ECPAS: variants seen among roughly 807,000 people sequenced by gnomAD.
ECPAS encodes proteasome adapter and scaffold protein ECM29.
Under a neutral mutation model 255.1 loss-of-function variants are expected in ECPAS, and 70 were observed. That is an observed-to-expected ratio of 0.27 (90% CI 0.23 to 0.33). ECPAS has a LOEUF of 0.33. Ranked by LOEUF, ECPAS falls within the 10% of genes least tolerant of loss-of-function variation. The pLI, the probability that ECPAS is intolerant of heterozygous loss-of-function variation, is 1.00. For missense variants in ECPAS, 1,817 were observed against 2,206.4 expected (o/e 0.82, Z 3.54); for synonymous variants, 784 against 775.0 (o/e 1.01, Z -0.19).
chr9:111,362,001 G>A lies in ECPAS; in HGVS notation c.*29C>T. The stretch of plus-strand genomic sequence containing the variant: ...CACCACTTCAACCCCCAATGAACAT[G>A]GCACTTGTTTGTTTCTTCCCCTTCT... On this transcript the variant is annotated 3_prime_UTR_variant, in exon 50 of 50. Transcript: ENST00000684092. 2 of 1,606,424 alleles carry A rather than the reference G, an allele frequency of 1.2e-6. No homozygotes were observed. Among genetic ancestry groups the A allele is most frequent in the African/African-American group, 1.3e-5 (1 of 74,516 alleles).
chr9:111,422,630 A>G (rs900059234), intron 13 of ECPAS, among the ~76,000 whole-genome samples: 2 of 152,172 alleles, frequency 1.3e-5, no homozygotes, highest in African/African-American at 4.8e-5. Context: ...GAGAAGAGCA[A>G]GACCTGGTCT....
Position 111,369,046 on chromosome 9 carries a change from G to A in ECPAS, c.5102C>T (p.Ala1701Val), listed in dbSNP as rs769580533. Residue 1701 changes from alanine to valine, a missense_variant, in exon 46 of 50, where the codon GCG becomes GTG. By Grantham distance (64) the Ala-to-Val change is moderately conservative. Transcript: ENST00000684092. ...TTTCTGGTGCTTACGTTGGGTCTCC[G>A]CGTTTCGCGGCCAGGCTTTGCCCAG... ...ESLGKAWPRN[A>V]ETQRCYRQEL... is the part of the protein sequence containing the mutation. 2.6e-5 allele frequency: 42 copies of A among 1,586,150 alleles called. No homozygotes were observed. Among genetic ancestry groups the A allele is most frequent in the African/African-American group, 2.6e-4 (19 of 72,802 alleles).
intron 48 of ECPAS, among the ~76,000 whole-genome samples, chr9:111,364,581 G>C (rs1221956769): frequency 6.6e-6 from 1 of 152,070 alleles, no homozygotes; most frequent in Non-Finnish European, 1.5e-5. Flanking sequence ...AATTGGTTCA[G>C]GGAAGAATCA....
intron 34 of ECPAS, among the ~76,000 whole-genome samples, chr9:111,384,041 G>A (rs1324154409): frequency 6.6e-6 from 1 of 152,100 alleles, no homozygotes; most frequent in Non-Finnish European, 1.5e-5. Context: ...GATCACATGT[G>A]AAACAGGAAA....
intron 33 of ECPAS, 34 bp from the exon 34 acceptor site, chr9:111,384,603 TAG>T (rs566467819): frequency 1.8e-5 from 29 of 1,602,104 alleles, no homozygotes; most frequent in Non-Finnish European, 2.4e-5. Context: ...TCATACAAGT[TAG>T]AGAGTTTCAC....
At chr9:111,440,324 C>T (rs749184163) in intron 6 of ECPAS, 48 bp downstream of exon 6, 7 of 1,512,650 alleles carry the variant, frequency 4.6e-6, no homozygotes, top group Middle Eastern at 1.8e-4. Flanking sequence ...CTTAACTCCC[C>T]GTAGTAAAAG....
At chr9:111,366,384 T>G in intron 47 of ECPAS, 57 bp from the exon 48 acceptor site, 1 of 1,412,016 alleles carries the variant, frequency 7.1e-7, no homozygotes, top group Admixed American at 2.0e-5. Context: ...AGTCTAAAAC[T>G]TTCCTGTCAC....
At chr9:111,366,698 G>T in intron 46 of ECPAS, 71 bp from the exon 47 acceptor site, 2 of 932,378 alleles carry the variant, frequency 2.1e-6, no homozygotes, top group Non-Finnish European at 3.5e-6. Flanking sequence ...ATAAATGAGG[G>T]ACAGGCAGAG....
At chr9:111,443,517 G>A (rs2098248781) in intron 4 of ECPAS, among the ~76,000 whole-genome samples, 1 of 142,702 alleles carries the variant, frequency 7.0e-6, no homozygotes, top group Non-Finnish European at 1.6e-5. Flanking sequence ...CCAAAGTGCT[G>A]GGATTACAGG....
intron 9 of ECPAS, among the ~76,000 whole-genome samples, chr9:111,429,753 C>A (rs2098227118): frequency 6.6e-6 from 1 of 152,186 alleles, no homozygotes; most frequent in Admixed American, 6.5e-5. Flanking sequence ...CCTGTAGTCA[C>A]AGCTACTCAA....
chr9:111,462,176 C>T (rs1039480913), intron 2 of ECPAS, among the ~76,000 whole-genome samples: 2 of 151,996 alleles, frequency 1.3e-5, no homozygotes, highest in Non-Finnish European at 2.9e-5. Flanking sequence ...CTCATTACCT[C>T]GAGATAGGAA....
At chr9:111,426,291 C>T (rs1490936515) in intron 10 of ECPAS, among the ~76,000 whole-genome samples, 2 of 150,896 alleles carry the variant, frequency 1.3e-5, no homozygotes, top group African/African-American at 4.9e-5. Flanking sequence ...CAGCATCCAG[C>T]AAGTTCAATA....
At chr9:111,397,580 C>T (rs1457768494) in intron 24 of ECPAS, among the ~76,000 whole-genome samples, 3 of 152,180 alleles carry the variant, frequency 2.0e-5, no homozygotes, top group Non-Finnish European at 2.9e-5. Flanking sequence ...GGCATAATAT[C>T]GTCATCCACA....
At chr9:111,466,032 CAA>C (rs1050074650) in intron 2 of ECPAS, among the ~76,000 whole-genome samples, 2 of 133,996 alleles carry the variant, frequency 1.5e-5, no homozygotes, top group African/African-American at 2.8e-5. Flanking sequence ...GACCCTGTCC[CAA>C]AAAAAAAAAG....
At position 111,411,066 on chromosome 9, in the gene ECPAS, CTCATTT is replaced by C. The variant is rs1202503732; in HGVS notation, c.2285_2290del (p.Lys762_Met763del). The C allele has an allele frequency of 3.7e-6, 6 of 1,613,880 alleles. No individual in the cohort carries two copies. The highest frequency in any genetic ancestry group is 3.4e-6 in the Non-Finnish European group (4 of 1,179,832). Reference sequence around the variant, plus strand: ...CTCCAGGTCTTGTTGCTCTGACATTCTCATTTTCTTTTTAGCCAAATACCTTCCCAC... The same window carrying C: ...CTCCAGGTCTTGTTGCTCTGACATTCTCTTTTTAGCCAAATACCTTCCCAC... On this transcript the variant is annotated inframe_deletion, in exon 22 of 50. Coordinates refer to ENST00000684092, the MANE Select transcript of ECPAS (RefSeq NM_001364929.1).
intron 5 of ECPAS, among the ~76,000 whole-genome samples, chr9:111,441,983 T>A (rs2098246587): frequency 6.6e-6 from 1 of 152,234 alleles, no homozygotes; most frequent in South Asian, 2.1e-4. Context: ...TCTTCCAAGA[T>A]AGAATTGTTT....
Position 111,454,764 on chromosome 9 carries a change from A to T in ECPAS, c.23-3209T>A, listed in dbSNP as rs78478822. Among the ~76,000 whole-genome samples the T allele has an allele frequency of 5.9e-3, 887 of 150,532 alleles. 22 individuals carry two copies. The East Asian group carries it at 0.073, about 12-fold the overall frequency. ...CTTGCTGACACCCAGGCTAGAGTGC[A>T]GTGGCGCTATCCACAGCTCACTGCA... is the stretch of plus-strand genomic sequence containing the variant. On this transcript the variant is annotated intron_variant, in intron 2 of 49. Coordinates refer to ENST00000684092, the MANE Select transcript of ECPAS (RefSeq NM_001364929.1).
At chr9:111,458,419 T>TG (rs1357567648) in intron 2 of ECPAS, among the ~76,000 whole-genome samples, 1 of 152,192 alleles carries the variant, frequency 6.6e-6, no homozygotes, top group Non-Finnish European at 1.5e-5. Context: ...ACTAAACCCT[T>TG]GGGATTTCCC....
chr9:111,372,366 G>C (rs1589114125), intron 42 of ECPAS, 63 bp downstream of exon 42: 30 of 1,435,984 alleles, frequency 2.1e-5, no homozygotes, highest in Middle Eastern at 1.8e-4. Flanking sequence ...AATAACGAAT[G>C]CAAGTAAAAA....
Sources: allele counts gnomAD v4.1 joint callset (sites outside exome capture counted in the v4.1 genomes callset), GRCh38; gene constraint gnomAD v4.1.1; transcripts MANE v1.5; gene names NCBI Gene and HGNC (gene_info 2026-07-23, HGNC 2026-07-21).